NRG3: variants seen among roughly 807,000 people sequenced by gnomAD.
NRG3 encodes the protein neuregulin 3, also known as pro-neuregulin-3, membrane-bound isoform.
In NRG3, 31 loss-of-function variants were observed where a neutral mutation model predicts 66.9. That is an observed-to-expected ratio of 0.46 (90% CI 0.35 to 0.63). The LOEUF is 0.63. NRG3 is among the 20% of genes least tolerant of loss of function. The pLI is 0.00. For synonymous variants in NRG3, 393 were observed against 359.4 expected (o/e 1.09, Z -1.06); for missense variants, 910 against 878.9 (o/e 1.04, Z -0.45).
intron 2 of NRG3, among the ~76,000 whole-genome samples, chr10:82,625,982 A>C (rs114196540): frequency 6.6e-6 from 1 of 152,270 alleles, no homozygotes; most frequent in African/African-American, 2.4e-5. Flanking sequence ...GGCTAATTGG[A>C]TTGGACTCTG....
intron 2 of NRG3, among the ~76,000 whole-genome samples, chr10:82,640,009 A>T (rs2050457912): frequency 6.6e-6 from 1 of 152,122 alleles, no homozygotes; most frequent in South Asian, 2.1e-4. Flanking sequence ...CTTATAAGTG[A>T]CAACATGCAG....
intron 1 of NRG3, among the ~76,000 whole-genome samples, chr10:82,291,384 TG>T (rs1411731179): frequency 6.6e-6 from 1 of 152,188 alleles, no homozygotes; most frequent in Non-Finnish European, 1.5e-5. Flanking sequence ...GTTCATGTAC[TG>T]GAAGTCTCAC....
chr10:82,488,688 A>C (rs942272100), intron 2 of NRG3, among the ~76,000 whole-genome samples: 4 of 152,066 alleles, frequency 2.6e-5, no homozygotes, highest in Non-Finnish European at 5.9e-5. Flanking sequence ...GGGTGGGGTT[A>C]TTCACTCCAA....
chr10:82,227,254 A>T (rs1178264233), intron 1 of NRG3, among the ~76,000 whole-genome samples: 1 of 152,082 alleles, frequency 6.6e-6, no homozygotes, highest in Non-Finnish European at 1.5e-5. Flanking sequence ...TGGATCTTGC[A>T]TTAATGACTT....
intron 2 of NRG3, among the ~76,000 whole-genome samples, chr10:82,601,122 T>G (rs889761675): frequency 1.3e-5 from 2 of 152,186 alleles, no homozygotes; most frequent in Non-Finnish European, 2.9e-5. Flanking sequence ...AAAGATATGA[T>G]TTTATTCTTT....
rs1053463149 is a variant in NRG3 at position 82,075,920 on chromosome 10, A to G, written c.823+199757A>G. ...AGGGAGAATGAAATTTCTGAAAATC[A>G]TAATGGAATGGGAGGAAAAAAAGTA... On this transcript the variant is annotated intron_variant, in intron 1 of 8. Coordinates refer to ENST00000372141, the MANE Select transcript of NRG3 (RefSeq NM_001010848.4). Among the ~76,000 whole-genome samples the G allele has an allele frequency of 2.0e-5, 3 of 150,452 alleles. No individual in the cohort carries two copies. The East Asian group carries it at 6.0e-4, about 30-fold the overall frequency.
chr10:82,133,906 C>G (rs906189061), intron 1 of NRG3, among the ~76,000 whole-genome samples: 2 of 152,184 alleles, frequency 1.3e-5, no homozygotes, highest in African/African-American at 4.8e-5. Context: ...TCCCTTTTCT[C>G]TGCAACCTCA....
At chr10:82,865,494 A>ACATTCTCCTT in intron 4 of NRG3, 57 bp downstream of exon 4, 1 of 1,506,562 alleles carries the variant, frequency 6.6e-7, no homozygotes, top group East Asian at 2.3e-5. Context: ...TTTATGATGT[A>ACATTCTCCTT]CATAGTGCTT....
intron 3 of NRG3, among the ~76,000 whole-genome samples, chr10:82,840,628 A>G (rs1344021252): frequency 1.3e-5 from 2 of 152,210 alleles, no homozygotes; most frequent in East Asian, 3.8e-4. Flanking sequence ...AACTGCTATA[A>G]GAAAGCAAAC....
chr10:82,579,398 T>C (rs1190052861), intron 2 of NRG3, among the ~76,000 whole-genome samples: 2 of 151,998 alleles, frequency 1.3e-5, no homozygotes, highest in African/African-American at 4.8e-5. Context: ...TAACAACTAA[T>C]CTTGCTTCAC....
At chr10:82,669,168 A>G (rs1357474986) in intron 2 of NRG3, among the ~76,000 whole-genome samples, 1 of 151,954 alleles carries the variant, frequency 6.6e-6, no homozygotes, top group Non-Finnish European at 1.5e-5. Flanking sequence ...CATCCTATAA[A>G]TATGAAGGAG....
chr10:82,973,669 T>C, intron 6 of NRG3, 119 bp from the exon 7 acceptor site: 1 of 1,056,132 alleles, frequency 9.5e-7, no homozygotes, highest in East Asian at 2.4e-5. Context: ...CTCCTGCTCC[T>C]CTAGTCAGGT....
chr10:82,002,287 A>G (rs1408306509), intron 1 of NRG3, among the ~76,000 whole-genome samples: 1 of 152,068 alleles, frequency 6.6e-6, no homozygotes, highest in Non-Finnish European at 1.5e-5. Flanking sequence ...TGAAAAGCCA[A>G]ATTGCCTTAC....
At chr10:82,015,413 A>C (rs778637496) in intron 1 of NRG3, among the ~76,000 whole-genome samples, 1 of 152,156 alleles carries the variant, frequency 6.6e-6, no homozygotes, top group Non-Finnish European at 1.5e-5. Context: ...AAATCTCATC[A>C]ATATGATTGG....
At chr10:82,814,365 A>G (rs895772923) in intron 3 of NRG3, among the ~76,000 whole-genome samples, 1 of 152,222 alleles carries the variant, frequency 6.6e-6, no homozygotes, top group Admixed American at 6.5e-5. Flanking sequence ...GTGTTTAGAG[A>G]TTTGCCTAGG....
intron 1 of NRG3, among the ~76,000 whole-genome samples, chr10:82,299,657 G>A (rs2080280016): frequency 6.6e-6 from 1 of 151,696 alleles, no homozygotes; most frequent in Admixed American, 6.6e-5. Context: ...CTGCTATCCT[G>A]TTACAATATC....
At chr10:82,651,576 A>T (rs914997149) in intron 2 of NRG3, among the ~76,000 whole-genome samples, 5 of 152,240 alleles carry the variant, frequency 3.3e-5, no homozygotes, top group African/African-American at 1.2e-4. Flanking sequence ...GGCAATAGCC[A>T]GTGACGAGTT....
chr10:82,672,965 G>A (rs1157908223), intron 2 of NRG3, among the ~76,000 whole-genome samples: 2 of 152,200 alleles, frequency 1.3e-5, no homozygotes, highest in Non-Finnish European at 2.9e-5. Flanking sequence ...TGGCCAGGCT[G>A]GCCTCAGACT....
At chr10:82,352,498 A>C (rs1408413270) in intron 1 of NRG3, among the ~76,000 whole-genome samples, 1 of 152,180 alleles carries the variant, frequency 6.6e-6, no homozygotes, top group East Asian at 1.9e-4. Flanking sequence ...TCTGTGACCT[A>C]AATGGTGAAA....
Sources: gnomAD v4.1 joint callset for allele counts (sites outside exome capture counted in the v4.1 genomes callset) on GRCh38, gnomAD v4.1.1 for gene constraint, MANE v1.5 for transcripts, NCBI Gene and HGNC (gene_info 2026-07-23, HGNC 2026-07-21) for gene names.